Variants in ZBTB46 observed in about 807,000 individuals in gnomAD.
The protein encoded by ZBTB46 is zinc finger and BTB domain containing 46.
Under a neutral mutation model 44.1 loss-of-function variants are expected in ZBTB46, and 8 were observed. The observed-to-expected ratio is 0.18, with a 90% CI of 0.11 to 0.33. ZBTB46 has a LOEUF of 0.33. Among genes scored for constraint, ZBTB46 ranks in the 10% least tolerant of loss-of-function variants. The probability of loss-of-function intolerance (pLI) is 1.00; values close to 1 mark genes in which losing one functional copy is unlikely to be tolerated. For synonymous variants in ZBTB46, 409 were observed against 382.3 expected, an observed-to-expected ratio of 1.07 and a Z score of -0.81; for missense variants, 651 against 847.7, an observed-to-expected ratio of 0.77 and a Z score of 2.88.
chr20:63,792,123 C>T (rs1015909980), intron 1 of ZBTB46, among the ~76,000 whole-genome samples: 3 of 152,182 alleles, frequency 2.0e-5, no homozygotes, highest in Admixed American at 6.5e-5. Flanking sequence ...CCCACCCCCA[C>T]GGCCTCATCT....
chr20:63,770,966 G>GGACAGCGGCCACGCCGCTCGAAC (rs2092364382), intron 3 of ZBTB46, among the ~76,000 whole-genome samples: 1 of 129,484 alleles, frequency 7.7e-6, no homozygotes, highest in African/African-American at 3.0e-5. Flanking sequence ...GCCACGCCCG[G>GGACAGCGGCCACGCCGCTCGAAC]CACAGCAGCC....
Position 63,789,842 on chromosome 20 carries a change from G to A in ZBTB46, c.916C>T (p.Pro306Ser), listed in dbSNP as rs1455284130. The A allele has an allele frequency of 1.2e-6, 2 of 1,611,044 alleles. No homozygotes were observed. Among genetic ancestry groups the A allele is most frequent in the Non-Finnish European group, 1.7e-6 (2 of 1,179,246 alleles). ...TTACTTGAGTCTCGGCTGCTGAACG[G>A]CCACCCCGACGTCGGCAGGAAGGAC... ...VPSFLPTSGWPFSSRDSNADL... is the reference protein window; with the variant it reads ...VPSFLPTSGWSFSSRDSNADL... The change falls in exon 2 of 5, where the codon CCG becomes TCG. Residue 306 changes from proline (P) to serine (S), a missense_variant. Pro to Ser is a moderately conservative substitution (Grantham distance 74). Coordinates refer to ENST00000245663, the MANE Select transcript of ZBTB46 (RefSeq NM_001369741.1).
chr20:63,779,175 C>T (rs1011631352), intron 2 of ZBTB46, among the ~76,000 whole-genome samples: 3 of 152,110 alleles, frequency 2.0e-5, no homozygotes, highest in Non-Finnish European at 4.4e-5. Flanking sequence ...TGTGGGGGTG[C>T]ACATTCAGCT....
Position 63,745,949 on chromosome 20 carries a change from T to C in ZBTB46, c.*981A>G, listed in dbSNP as rs1016720006. ...TAATGCCAAACAAAATAATTTTATG[T>C]AACTACCTCGATATGTCTCTGACTA... On this transcript the variant is annotated 3_prime_UTR_variant, in exon 5 of 5. Coordinates refer to ENST00000245663, the MANE Select transcript of ZBTB46 (RefSeq NM_001369741.1). 3.3e-5 allele frequency: 5 copies of C among 152,696 alleles called. No homozygotes were observed. Among genetic ancestry groups the C allele is most frequent in the African/African-American group, 1.2e-4 (5 of 41,480 alleles). 9.5% of individuals were successfully genotyped at this position (152,696 alleles called of 1,614,324 possible). A position where few individuals can be genotyped will look rare whatever the true frequency, so the allele number is the denominator to read the frequency against.
chr20:63,753,792 AATTAATT>A (rs1296440782), intron 3 of ZBTB46, among the ~76,000 whole-genome samples: 1 of 152,232 alleles, frequency 6.6e-6, no homozygotes, highest in Non-Finnish European at 1.5e-5. Flanking sequence ...AACACATCAT[AATTAATT>A]AAACAGGCAC....
Position 63,789,984 on chromosome 20 carries a change from C to T in ZBTB46, c.774G>A (p.Gln258=), listed in dbSNP as rs935501656. ...TGGGCTGCCAGGCATCACCAGCACT[C>T]TGCTCTGAGAAAGAGTTCTGTACTG... ...DGAVQNSFSE[Q]SAGDAWQPTG... The change falls in exon 2 of 5, where the codon CAG becomes CAA. Residue 258 remains glutamine, a synonymous_variant. Coordinates refer to ENST00000245663, the MANE Select transcript of ZBTB46 (RefSeq NM_001369741.1). 2.5e-6 allele frequency: 4 copies of T among 1,614,148 alleles called. No homozygotes were observed. Among genetic ancestry groups the T allele is most frequent in the Middle Eastern group, 1.6e-4 (1 of 6,062 alleles).
chr20:63,809,961 CAA>C (rs61473496), intron 1 of ZBTB46, among the ~76,000 whole-genome samples: 17 of 135,898 alleles, frequency 1.3e-4, no homozygotes, highest in South Asian at 2.4e-4. Flanking sequence ...GGCCCTCTCT[CAA>C]AAAAAAAAAA....
chr20:63,777,545 G>A (rs533351582), intron 2 of ZBTB46, among the ~76,000 whole-genome samples: 1 of 152,332 alleles, frequency 6.6e-6, no homozygotes, highest in South Asian at 2.1e-4. Context: ...GCTGGTAAGA[G>A]TGTAACATGG....
At chr20:63,749,987 G>A (rs1423948337) in intron 4 of ZBTB46, among the ~76,000 whole-genome samples, 1 of 152,252 alleles carries the variant, frequency 6.6e-6, no homozygotes, top group Non-Finnish European at 1.5e-5. Flanking sequence ...AGCACGGCTG[G>A]CCCACCCTCC....
At chr20:63,827,828 A>G (rs1024843394) in intron 1 of ZBTB46, among the ~76,000 whole-genome samples, 2 of 152,242 alleles carry the variant, frequency 1.3e-5, no homozygotes, top group Admixed American at 1.3e-4. Context: ...CATTCAACAG[A>G]ACACTTTGCA....
chr20:63,762,301 T>C (rs947332751), intron 3 of ZBTB46, among the ~76,000 whole-genome samples: 6 of 152,184 alleles, frequency 3.9e-5, no homozygotes, highest in Non-Finnish European at 5.9e-5. Flanking sequence ...AAACCCCCAA[T>C]TGTAATTGTG....
At chr20:63,748,907 C>G (rs2145752249) in intron 4 of ZBTB46, among the ~76,000 whole-genome samples, 1 of 152,364 alleles carries the variant, frequency 6.6e-6, no homozygotes, top group Middle Eastern at 3.4e-3. Flanking sequence ...GCTACACTTG[C>G]AAAGACCTCT....
At chr20:63,782,564 T>C (rs1327623891) in intron 2 of ZBTB46, among the ~76,000 whole-genome samples, 1 of 152,142 alleles carries the variant, frequency 6.6e-6, no homozygotes, top group African/African-American at 2.4e-5. Flanking sequence ...AGCCAGGTGC[T>C]TGCCAAAAGC....
At chr20:63,818,901 G>A (rs888394047) in intron 1 of ZBTB46, among the ~76,000 whole-genome samples, 6 of 145,814 alleles carry the variant, frequency 4.1e-5, no homozygotes, top group Admixed American at 7.0e-5. Context: ...AAGGCCAGGC[G>A]CAGTGGCTCA....
intron 3 of ZBTB46, among the ~76,000 whole-genome samples, chr20:63,762,449 C>T (rs994253169): frequency 1.3e-4 from 19 of 151,950 alleles, no homozygotes; most frequent in African/African-American, 4.6e-4. Flanking sequence ...GTCAGGAGAT[C>T]GAGACCATCT....
intron 3 of ZBTB46, among the ~76,000 whole-genome samples, chr20:63,759,787 A>G (rs1194944969): frequency 6.6e-6 from 1 of 151,806 alleles, no homozygotes; most frequent in Non-Finnish European, 1.5e-5. Flanking sequence ...TTTTTTTTGT[A>G]GATACTTTTT....
At chr20:63,800,269 T>C (rs1460935419) in intron 1 of ZBTB46, among the ~76,000 whole-genome samples, 1 of 152,192 alleles carries the variant, frequency 6.6e-6, no homozygotes, top group Non-Finnish European at 1.5e-5. Context: ...TGTGATTCCC[T>C]TTATAGGAAA....
intron 2 of ZBTB46, 86 bp from the exon 3 acceptor site, chr20:63,776,048 G>T: frequency 6.9e-7 from 1 of 1,446,018 alleles, no homozygotes; most frequent in South Asian, 1.4e-5. Flanking sequence ...GAAGGACAGC[G>T]ACCAGCTTCT....
Position 63,752,571 on chromosome 20 carries a change from G to A in ZBTB46, c.1398+115C>T, listed in dbSNP as rs993979997. 3.8e-5 allele frequency: 49 copies of A among 1,284,556 alleles called. No individual in the cohort carries two copies. Among genetic ancestry groups the A allele is most frequent in the African/African-American group, 4.6e-5 (3 of 64,874 alleles). The allele number at this position is 1,284,556 out of a possible 1,614,324, so 79.6% of individuals were successfully genotyped here. A position where few individuals can be genotyped will look rare whatever the true frequency, so the allele number is the denominator to read the frequency against. ...TCCCTGCCCTGCTGTCGTCCCCCCT[G>A]TGCAGAGTGGACCCGGTGTGGGGTC... On this transcript the variant is annotated intron_variant, in intron 4 of 4. Transcript: ENST00000245663. This position sits in a 1 kb window ranked among gnomAD's most constrained non-coding sequence, Gnocchi z 5.6.
Sources: allele counts gnomAD v4.1 joint callset (sites outside exome capture counted in the v4.1 genomes callset), GRCh38; gene constraint gnomAD v4.1.1; non-coding constraint Gnocchi (gnomAD v3.1); transcripts MANE v1.5; gene names NCBI Gene and HGNC (gene_info 2026-07-23, HGNC 2026-07-21).